Variants in GLI3 observed in about 807,000 individuals in gnomAD.
GLI3 encodes transcription activator GLI3.
In GLI3, 20 loss-of-function variants were observed where a neutral mutation model predicts 100.8. That is an observed-to-expected ratio of 0.20 (90% CI 0.14 to 0.29). The LOEUF (loss-of-function observed/expected upper bound fraction) is 0.29, where lower values mean the gene tolerates loss of function less well. GLI3 is among the 10% of genes least tolerant of loss of function. GLI3 has a pLI of 1.00. For synonymous variants in GLI3, 938 were observed against 860.5 expected (o/e 1.09, Z -1.58); for missense variants, 2,040 against 2,128.5 (o/e 0.96, Z 0.82).
chr7:42,184,905 C>A (rs1787688707), intron 2 of GLI3, among the ~76,000 whole-genome samples: 1 of 152,184 alleles, frequency 6.6e-6, no homozygotes, highest in Non-Finnish European at 1.5e-5. Context: ...CCTGACATCT[C>A]CCTGTACTCC....
intron 3 of GLI3, among the ~76,000 whole-genome samples, chr7:42,091,779 G>C (rs1310073461): frequency 6.6e-6 from 1 of 152,236 alleles, no homozygotes; most frequent in Non-Finnish European, 1.5e-5. Flanking sequence ...TATTTAAACA[G>C]TTCCTTAACG....
At chr7:42,049,014 T>TA (rs1184585691) in intron 4 of GLI3, among the ~76,000 whole-genome samples, 3 of 152,198 alleles carry the variant, frequency 2.0e-5, no homozygotes, top group Admixed American at 1.3e-4. Context: ...CAACTGGGCT[T>TA]AAAGTGGTTG....
chr7:42,075,317 A>G (rs1784857168), intron 4 of GLI3, among the ~76,000 whole-genome samples: 1 of 152,204 alleles, frequency 6.6e-6, no homozygotes, highest in South Asian at 2.1e-4. Context: ...TACATCACAA[A>G]GGCTCCAGTC....
At chr7:42,213,899 G>A (rs916559526) in intron 2 of GLI3, among the ~76,000 whole-genome samples, 1 of 152,222 alleles carries the variant, frequency 6.6e-6, no homozygotes, top group African/African-American at 2.4e-5. Context: ...GCACCCAAAC[G>A]GCTTTCAGCC....
At position 42,048,474 on chromosome 7, in the gene GLI3, A is replaced by G. The variant is rs762067409; in HGVS notation, c.679+17T>C. The G allele has an allele frequency of 1.3e-6, 2 of 1,560,276 alleles. No homozygotes were observed. Among genetic ancestry groups the G allele is most frequent in the Admixed American group, 3.3e-5 (2 of 59,892 alleles). The stretch of plus-strand genomic sequence containing the variant: ...AGGCTGCATGATCTCCAGAAGCAGA[A>G]TCCATCCTGGACTTACCATCTGTAG... On this transcript the variant is annotated intron_variant, in intron 5 of 14. Transcript: ENST00000395925.
intron 2 of GLI3, 165 bp downstream of exon 2, chr7:42,222,965 T>G (rs1788514025): frequency 1.3e-6 from 1 of 768,326 alleles, no homozygotes. Context: ...TAGAGATTAC[T>G]ACATTCCATG....
chr7:41,966,028 G>C lies in GLI3; in HGVS notation c.3045C>G (p.Gly1015=), dbSNP rs371617969. 39 of 1,592,046 alleles carry C rather than the reference G, an allele frequency of 2.4e-5. No homozygotes were observed. In the African/African-American group the frequency reaches 4.8e-4, roughly 20 times the overall value. The change falls in exon 15 of 15, where the codon GGC becomes GGG. Residue 1015 remains glycine (G), a synonymous_variant. Transcript: ENST00000395925. This position sits in a 1 kb window ranked among gnomAD's most constrained non-coding sequence, Gnocchi z 5.8. ...AGCGCGGCACACGAGGCAGGGCCAG[G>C]CCCTCGGAGCCTGTCCGCACCGGGT... The part of the protein sequence containing the change: ...ASDPVRTGSE[G]LALPRVPRFS...
At chr7:42,246,126 T>G (rs960294330) in intron 1 of GLI3, among the ~76,000 whole-genome samples, 1 of 152,174 alleles carries the variant, frequency 6.6e-6, no homozygotes, top group Non-Finnish European at 1.5e-5. Context: ...TCTCAGCTCC[T>G]CCCTTACCAA....
chr7:42,158,253 A>G (rs2128792112), intron 2 of GLI3, among the ~76,000 whole-genome samples: 1 of 152,252 alleles, frequency 6.6e-6, no homozygotes, highest in Middle Eastern at 3.4e-3. Context: ...CGTTAATCCC[A>G]CTGAATCTTC....
At chr7:42,209,812 T>TTC (rs1164646599) in intron 2 of GLI3, among the ~76,000 whole-genome samples, 312 of 137,226 alleles carry the variant, frequency 2.3e-3, no homozygotes, top group African/African-American at 7.6e-3. Context: ...CACTGAGAGG[T>TTC]TCTCTCTCTT....
intron 10 of GLI3, among the ~76,000 whole-genome samples, chr7:42,012,996 C>A (rs1788662106): frequency 6.6e-6 from 1 of 152,212 alleles, no homozygotes; most frequent in Non-Finnish European, 1.5e-5. Flanking sequence ...TAAAGAAACA[C>A]CATGTCCCTT....
intron 1 of GLI3, among the ~76,000 whole-genome samples, chr7:42,260,971 T>C (rs1789131519): frequency 6.6e-6 from 1 of 152,184 alleles, no homozygotes; most frequent in Non-Finnish European, 1.5e-5. Flanking sequence ...GGCTAGAGCA[T>C]ACTCTCTGTG....
chr7:42,180,207 C>T (rs1787565845), intron 2 of GLI3, among the ~76,000 whole-genome samples: 1 of 152,256 alleles, frequency 6.6e-6, no homozygotes, highest in African/African-American at 2.4e-5. Context: ...CCAGGTGGAG[C>T]AGGGGGAAGA....
At chr7:42,071,117 A>G (rs1562714006) in intron 4 of GLI3, among the ~76,000 whole-genome samples, 1 of 152,226 alleles carries the variant, frequency 6.6e-6, no homozygotes. Flanking sequence ...TACCATATGT[A>G]GAGCATGGGC....
intron 7 of GLI3, among the ~76,000 whole-genome samples, chr7:42,039,411 G>T (rs977166627): frequency 6.6e-6 from 1 of 152,194 alleles, no homozygotes; most frequent in African/African-American, 2.4e-5. Context: ...GTCAAGCAAG[G>T]AACTATCCAC....
Position 42,209,986 on chromosome 7 carries a change from G to GAAAAA in GLI3, c.124+13139_124+13143dup, listed in dbSNP as rs749477443. Among the ~76,000 whole-genome samples the GAAAAA allele has an allele frequency of 4.8e-4, 16 of 33,272 alleles. 3 individuals are homozygous for GAAAAA. Among genetic ancestry groups the GAAAAA allele is most frequent in the Admixed American group, 1.8e-3 (3 of 1,692 alleles). 21.8% of individuals were successfully genotyped at this position (33,272 alleles called of 152,430 possible). ...GGGTCATACATCTCTTTAAGAATCT[G>GAAAAA]AAAAAAAAAAAAAAAAAAAAAAAAA... is the stretch of plus-strand genomic sequence containing the variant. On this transcript the variant is annotated intron_variant, in intron 2 of 14. Coordinates refer to ENST00000395925, the MANE Select transcript of GLI3 (RefSeq NM_000168.6).
At chr7:42,250,209 T>C (rs1353615911) in intron 1 of GLI3, among the ~76,000 whole-genome samples, 4 of 152,186 alleles carry the variant, frequency 2.6e-5, no homozygotes, top group Non-Finnish European at 5.9e-5. Context: ...TGGGTTGTGA[T>C]GGTTGGAAAA....
At chr7:42,106,310 C>T (rs773527262) in intron 3 of GLI3, among the ~76,000 whole-genome samples, 3 of 152,256 alleles carry the variant, frequency 2.0e-5, no homozygotes, top group African/African-American at 4.8e-5. Context: ...GCCCTCAGAA[C>T]TGTGCTGTCC....
At chr7:42,103,829 G>A (rs1284523852) in intron 3 of GLI3, among the ~76,000 whole-genome samples, 1 of 152,180 alleles carries the variant, frequency 6.6e-6, no homozygotes, top group Admixed American at 6.5e-5. Context: ...GGCATGTGAA[G>A]AGACTCAGAA....
Sources: gnomAD v4.1 joint callset for allele counts (sites outside exome capture counted in the v4.1 genomes callset) on GRCh38, gnomAD v4.1.1 for gene constraint, Gnocchi (gnomAD v3.1) non-coding constraint, MANE v1.5 for transcripts, NCBI Gene and HGNC (gene_info 2026-07-23, HGNC 2026-07-21) for gene names.